FHIT: variants seen among roughly 807,000 people sequenced by gnomAD.
FHIT encodes bis(5'-adenosyl)-triphosphatase.
FHIT carries 19 observed loss-of-function variants against 17.9 expected under a neutral mutation model. The ratio of observed to expected loss-of-function variants is 1.06; its 90% CI spans 0.74 to 1.56. FHIT has a LOEUF of 1.56. Among genes scored for constraint, FHIT ranks in the 40% most tolerant of loss-of-function variants. FHIT has a pLI of 0.00. For synonymous variants in FHIT, 81 were observed against 69.7 expected (o/e 1.16, Z -0.81); for missense variants, 248 against 189.2 (o/e 1.31, Z -1.82).
At chr3:60,911,850 A>G (rs913502236) in intron 3 of FHIT, among the ~76,000 whole-genome samples, 3 of 152,202 alleles carry the variant, frequency 2.0e-5, no homozygotes, top group Non-Finnish European at 4.4e-5. Context: ...TTTTTGTTTC[A>G]ATAGCCAACA....
chr3:59,890,923 T>C (rs988545572), intron 8 of FHIT, among the ~76,000 whole-genome samples: 5 of 152,208 alleles, frequency 3.3e-5, no homozygotes, highest in African/African-American at 9.6e-5. Flanking sequence ...GTTATCATTC[T>C]GAAGAACAAA....
chr3:60,056,996 T>A (rs988927427), intron 5 of FHIT, among the ~76,000 whole-genome samples: 1 of 152,098 alleles, frequency 6.6e-6, no homozygotes, highest in Admixed American at 6.5e-5. Flanking sequence ...ATCCAAGCTC[T>A]GGGAACTTGG....
chr3:60,123,973 T>A (rs1409065756), intron 5 of FHIT, among the ~76,000 whole-genome samples: 6 of 19,428 alleles, frequency 3.1e-4, no homozygotes, highest in African/African-American at 1.3e-3. Flanking sequence ...TAAAAATATA[T>A]ATATATATAT....
chr3:60,631,991 C>T (rs1371057443), intron 4 of FHIT, among the ~76,000 whole-genome samples: 3 of 152,076 alleles, frequency 2.0e-5, no homozygotes, highest in Non-Finnish European at 2.9e-5. Flanking sequence ...AGAAACACCA[C>T]GGGTAGGACT....
intron 3 of FHIT, among the ~76,000 whole-genome samples, chr3:60,969,457 C>T (rs1469676605): frequency 2.0e-5 from 3 of 151,824 alleles, no homozygotes; most frequent in Non-Finnish European, 4.4e-5. Context: ...AATTTTCAGG[C>T]TTTCTTCTTT....
At chr3:60,530,024 A>G (rs554312179) in intron 5 of FHIT, among the ~76,000 whole-genome samples, 18 of 152,262 alleles carry the variant, frequency 1.2e-4, no homozygotes, top group Non-Finnish European at 1.6e-4. Flanking sequence ...CCTAATCAAA[A>G]TGACAGTTGA....
At chr3:60,067,322 T>TTGAATGAATGAA (rs4024132) in intron 5 of FHIT, among the ~76,000 whole-genome samples, 4 of 151,262 alleles carry the variant, frequency 2.6e-5, no homozygotes, top group South Asian at 2.1e-4. Flanking sequence ...CAAATATGTA[T>TTGAATGAATGAA]TGAATGAATG....
rs1559781831 is a variant in FHIT, at chr3:60,861,211, GA to G, written c.-110-39201del. Among the ~76,000 whole-genome samples, 21 of 23,636 alleles carry G rather than the reference GA, an allele frequency of 8.9e-4. 6 individuals are homozygous for G. In the East Asian group the frequency reaches 0.017, roughly 19 times the overall value. The allele number at this position is 23,636 out of a possible 152,430, so 15.5% of individuals were successfully genotyped here. A position where few individuals can be genotyped will look rare whatever the true frequency, so the allele number is the denominator to read the frequency against. ...GATATATATCATATATGATATATAT[GA>G]TATATATGATATATATGATATATCA... is the stretch of plus-strand genomic sequence containing the variant. On this transcript the variant is annotated intron_variant, in intron 3 of 9. Coordinates refer to ENST00000492590, the MANE Select transcript of FHIT (RefSeq NM_002012.4).
At chr3:59,910,885 G>GA (rs1162963493) in intron 8 of FHIT, among the ~76,000 whole-genome samples, 3 of 151,300 alleles carry the variant, frequency 2.0e-5, no homozygotes, top group Non-Finnish European at 2.9e-5. Flanking sequence ...GGAAAGATGG[G>GA]AAAAAAAAGA....
chr3:59,772,158 C>A (rs1702102875), intron 8 of FHIT, among the ~76,000 whole-genome samples: 1 of 152,200 alleles, frequency 6.6e-6, no homozygotes, highest in Non-Finnish European at 1.5e-5. Flanking sequence ...CGTTGATCTG[C>A]ATTCACTAAT....
chr3:60,454,146 C>T (rs1340984991), intron 5 of FHIT, among the ~76,000 whole-genome samples: 1 of 152,080 alleles, frequency 6.6e-6, no homozygotes, highest in East Asian at 1.9e-4. Context: ...TGTAGGAATA[C>T]TCATTTGTTA....
At chr3:60,917,445 T>C (rs1174999802) in intron 3 of FHIT, among the ~76,000 whole-genome samples, 1 of 152,222 alleles carries the variant, frequency 6.6e-6, no homozygotes, top group Non-Finnish European at 1.5e-5. Flanking sequence ...GATCGCATCA[T>C]TTCCTTCTTT....
At chr3:60,595,571 A>G (rs2038239525) in intron 4 of FHIT, among the ~76,000 whole-genome samples, 1 of 151,518 alleles carries the variant, frequency 6.6e-6, no homozygotes, top group African/African-American at 2.4e-5. Flanking sequence ...ATGTGTATAT[A>G]TATATACGCA....
chr3:59,952,457 T>C (rs565685213), intron 7 of FHIT, among the ~76,000 whole-genome samples: 2 of 152,258 alleles, frequency 1.3e-5, no homozygotes, highest in Admixed American at 6.5e-5. Flanking sequence ...CATTCCTCAG[T>C]TGTGCCAATG....
chr3:60,082,154 C>A (rs1703315234), intron 5 of FHIT, among the ~76,000 whole-genome samples: 2 of 151,968 alleles, frequency 1.3e-5, no homozygotes, highest in Admixed American at 1.3e-4. Flanking sequence ...GTGTTTATGG[C>A]TGCCATTTTC....
intron 5 of FHIT, among the ~76,000 whole-genome samples, chr3:60,154,966 A>C: frequency 6.6e-6 from 1 of 152,126 alleles, no homozygotes; most frequent in Non-Finnish European, 1.5e-5. Context: ...TTGGGAGGCC[A>C]AGGTGAGAGG....
rs76127156 is a variant in FHIT at position 60,166,603 on chromosome 3, G to C, written c.104-152451C>G. The stretch of plus-strand genomic sequence containing the variant: ...CAGGCTTAAGGCTACACAAAGATTA[G>C]TGAGACAGCAAAGATGAATCCCAGC... On this transcript the variant is annotated intron_variant, in intron 5 of 9. Transcript: ENST00000492590. Among the ~76,000 whole-genome samples, 7 of 152,258 alleles carry C rather than the reference G, an allele frequency of 4.6e-5. No homozygotes were observed. In the East Asian group the frequency reaches 1.4e-3, roughly 29 times the overall value.
intron 5 of FHIT, among the ~76,000 whole-genome samples, chr3:60,471,801 C>T (rs1553781110): frequency 6.6e-6 from 1 of 152,132 alleles, no homozygotes; most frequent in South Asian, 2.1e-4. Context: ...TCTGTCTTCC[C>T]CCTGCCACCC....
chr3:60,345,208 C>A (rs1559838756), intron 5 of FHIT, among the ~76,000 whole-genome samples: 3 of 152,118 alleles, frequency 2.0e-5, no homozygotes, highest in African/African-American at 7.2e-5. Flanking sequence ...CAGTACGTGT[C>A]CATGACAAGT....
Sources: allele counts gnomAD v4.1 joint callset (sites outside exome capture counted in the v4.1 genomes callset), GRCh38; gene constraint gnomAD v4.1.1; transcripts MANE v1.5; gene names NCBI Gene and HGNC (gene_info 2026-07-23, HGNC 2026-07-21).